MUC4: variants seen among roughly 807,000 people sequenced by gnomAD.
MUC4 encodes the protein mucin 4, cell surface associated, also known as mucin-4.
In MUC4, 202 loss-of-function variants were observed where a neutral mutation model predicts 257.9. The observed-to-expected ratio is 0.78, with a 90% CI of 0.70 to 0.88. The LOEUF is 0.88. Among genes scored for constraint, MUC4 ranks in the 40% least tolerant of loss-of-function variants. MUC4 has a pLI of 0.00. For missense variants in MUC4, 5,976 were observed against 6,513.7 expected, an observed-to-expected ratio of 0.92 and a Z score of 2.84; for synonymous variants, 2,351 against 2,757.1, an observed-to-expected ratio of 0.85 and a Z score of 4.62.
chr3:195,788,825 A>T lies in MUC4; in HGVS notation c.2755T>A (p.Ser919Thr), dbSNP rs749483038. The change falls in exon 2 of 25, where the codon TCT (serine) becomes ACT (threonine). Residue 919 changes from serine to threonine, a missense_variant. Transcript: ENST00000463781. ...QTQRTRTSRG[S>T]DTISLASQAT... ...TGGGACGCCAGGCTGATAGTGTCAGACCCTCTGCTGGTTCTTGTCCTCTGA... is the reference window on the plus strand; with the variant it reads ...TGGGACGCCAGGCTGATAGTGTCAGTCCCTCTGCTGGTTCTTGTCCTCTGA... The T allele has an allele frequency of 4.3e-6, 7 of 1,613,666 alleles. No homozygotes were observed. The East Asian group carries it at 1.6e-4, about 36-fold the overall frequency.
chr3:195,767,655 C>T (rs1326564395), intron 7 of MUC4, among the ~76,000 whole-genome samples: 2 of 92,500 alleles, frequency 2.2e-5, no homozygotes, highest in Non-Finnish European at 3.8e-5. Flanking sequence ...CCACCACCAC[C>T]ACCACCACCA....
In MUC4 at chr3:195,783,045, G is replaced by T. The variant is rs1467627533; in HGVS notation, c.8535C>A (p.His2845Gln). 1.2e-6 allele frequency: 1 copy of T among 854,968 alleles called. No homozygotes were observed. The highest frequency in any genetic ancestry group is 1.6e-6 in the Non-Finnish European group (1 of 608,668). 53.0% of individuals were successfully genotyped at this position (854,968 alleles called of 1,614,324 possible). The change falls in exon 2 of 25, where the codon CAC (histidine) becomes CAA (glutamine). Residue 2845 changes from histidine (H) to glutamine (Q), a missense_variant. By Grantham distance (24) the His-to-Gln change is conservative. Coordinates refer to ENST00000463781, the MANE Select transcript of MUC4 (RefSeq NM_018406.7). ...CGTCGGTGACAGGAAGAGGGGTGGT[G>T]TGACCTGAGGATGCTGAGGAAGGGA... The part of the protein sequence containing the change: ...VTIPSSASSG[H>Q]TTPLPVTDAS...
intron 17 of MUC4, among the ~76,000 whole-genome samples, chr3:195,758,049 G>C: frequency 6.6e-6 from 1 of 152,224 alleles, no homozygotes; most frequent in Admixed American, 6.5e-5. Flanking sequence ...CAGAGAGAAA[G>C]AACATCAGGC....
chr3:195,811,155 ATTTATT>A (rs1178947741), intron 1 of MUC4, among the ~76,000 whole-genome samples: 1 of 22,098 alleles, frequency 4.5e-5, no homozygotes, highest in African/African-American at 2.0e-4. Context: ...ATATTTATTT[ATTTATT>A]TATTTATTTA....
intron 1 of MUC4, among the ~76,000 whole-genome samples, chr3:195,798,381 C>T (rs1020831971): frequency 2.6e-4 from 39 of 152,124 alleles, no homozygotes; most frequent in Admixed American, 9.2e-4. Flanking sequence ...GACAATGCTT[C>T]CTTCCAGGAT....
At chr3:195,751,823 G>A (rs863582) in intron 21 of MUC4, 112,864 of 188,518 alleles carry the variant, frequency 0.6, 35,053 homozygotes, top group East Asian at 0.8. Context: ...CTTGACACGC[G>A]TTATCATTTA....
rs1172519849 is a variant in MUC4, at chr3:195,764,180, G to A, written c.13925-16C>T. On this transcript the variant is annotated splice_polypyrimidine_tract_variant and intron_variant, in intron 10 of 24. Coordinates refer to ENST00000463781, the MANE Select transcript of MUC4 (RefSeq NM_018406.7). ...AGTTCCTGGGCTGCGGAGAACAGCA[G>A]TGAGTCGGGGAGGTTGAGGACCTGG... is the stretch of plus-strand genomic sequence containing the variant. The A allele has an allele frequency of 1.9e-6, 3 of 1,555,896 alleles. No individual in the cohort carries two copies. The highest frequency in any genetic ancestry group is 2.6e-6 in the Non-Finnish European group (3 of 1,149,856).
chr3:195,789,485 G>A lies in MUC4; in HGVS notation c.2095C>T (p.Pro699Ser), dbSNP rs557226215. ...ISAATTFAPAPTGDGHTTQAP... is the reference protein window; with the variant it reads ...ISAATTFAPASTGDGHTTQAP... Reference sequence around the variant, plus strand: ...TGGGTTGTGTGACCATCCCCGGTGGGAGCTGGGGCAAAGGTTGTTGCTGCA... The same window carrying A: ...TGGGTTGTGTGACCATCCCCGGTGGAAGCTGGGGCAAAGGTTGTTGCTGCA... Residue 699 changes from proline to serine, a missense_variant, in exon 2 of 25, where the codon CCC (proline) becomes TCC (serine). This residue lies in a region of MUC4 where 1,583 missense variants were observed against 1,257.4 expected (regional missense o/e 1.26). Coordinates refer to ENST00000463781, the MANE Select transcript of MUC4 (RefSeq NM_018406.7). The A allele has an allele frequency of 1.5e-5, 25 of 1,613,884 alleles. No individual in the cohort carries two copies. The South Asian group carries it at 2.5e-4, about 16-fold the overall frequency.
rs1392182472 is a variant in MUC4, at chr3:195,810,560, GC to G, written c.82+1175del. ...GTACACGGAGGAGCCCAAGGCCAAT[GC>G]CGGGGCTACGAGCCCCAGGCAAGGC... is the stretch of plus-strand genomic sequence containing the variant. On this transcript the variant is annotated intron_variant, in intron 1 of 24. Transcript: ENST00000463781. The surrounding 1 kb of genome is among the most constrained non-coding windows in gnomAD (Gnocchi z 4.2). Among the ~76,000 whole-genome samples, 2 of 151,980 alleles carry G rather than the reference GC, an allele frequency of 1.3e-5. No individual in the cohort carries two copies. The highest frequency in any genetic ancestry group is 4.8e-5 in the African/African-American group (2 of 41,336).
chr3:195,778,210 C>G (rs1205962841), intron 3 of MUC4, 93 bp downstream of exon 3: 2 of 1,444,846 alleles, frequency 1.4e-6, no homozygotes, highest in Non-Finnish European at 1.8e-6. Flanking sequence ...CCCTCCCCAC[C>G]CGAGAGAGCG....
chr3:195,789,192 T>C lies in MUC4; in HGVS notation c.2388A>G (p.Arg796=), dbSNP rs1362727967. 1.1e-5 allele frequency: 18 copies of C among 1,613,812 alleles called. No homozygotes were observed. The highest frequency in any genetic ancestry group is 1.4e-5 in the Non-Finnish European group (17 of 1,179,842). The change falls in exon 2 of 25, where the codon CGA becomes CGG. Residue 796 remains arginine (R), a synonymous_variant. Coordinates refer to ENST00000463781, the MANE Select transcript of MUC4 (RefSeq NM_018406.7). ...QTSEPASSGS[R]TTSAGTATPS... The stretch of plus-strand genomic sequence containing the variant: ...GGGTAGCTGTGCCCGCTGAGGTGGT[T>C]CGTGACCCTGAGGAGGCCGGTTCGC...
Position 195,791,318 on chromosome 3 carries a change from C to A in MUC4, c.262G>T (p.Ala88Ser), listed in dbSNP as rs1560404349. The change falls in exon 2 of 25, where the codon GCT becomes TCT. Residue 88 changes from alanine (A) to serine (S), a missense_variant. Coordinates refer to ENST00000463781, the MANE Select transcript of MUC4 (RefSeq NM_018406.7). ...ATCTGCGTGAGGGTGTCGGTTTGAG[C>A]TTTGCTGGTGGTCTCCGTGCTCTTA... ...QTKSTETTSK[A>S]QTDTLTQMMT... 1 of 1,613,216 alleles carries A rather than the reference C, an allele frequency of 6.2e-7. No individual in the cohort carries two copies. Among genetic ancestry groups the A allele is most frequent in the East Asian group, 2.2e-5 (1 of 44,812 alleles).
Position 195,767,739 on chromosome 3 carries a change from T to TCACCACCACCACCACCAC in MUC4, c.13530-989_13530-988insGTGGTGGTGGTGGTGGTG, listed in dbSNP as rs1371859288. On this transcript the variant is annotated intron_variant, in intron 7 of 24. Coordinates refer to ENST00000463781, the MANE Select transcript of MUC4 (RefSeq NM_018406.7). ...GCCACCACCACCATCACCACCACCATCACCATCGCCACCACCACCATCACC... is the reference window on the plus strand; with the variant it reads ...GCCACCACCACCATCACCACCACCATCACCACCACCACCACCACCACCATCGCCACCACCACCATCACC... Among the ~76,000 whole-genome samples, 6 of 3,146 alleles carry TCACCACCACCACCACCAC rather than the reference T, an allele frequency of 1.9e-3. 1 individual carries two copies. Among genetic ancestry groups the TCACCACCACCACCACCAC allele is most frequent in the African/African-American group, 5.1e-3 (5 of 978 alleles). The allele number at this position is 3,146 out of a possible 152,430, so 2.1% of individuals were successfully genotyped here.
chr3:195,791,290 A>T lies in MUC4; in HGVS notation c.290T>A (p.Met97Lys). 6.2e-7 allele frequency: 1 copy of T among 1,613,558 alleles called. No individual in the cohort carries two copies. The highest frequency in any genetic ancestry group is 1.1e-5 in the South Asian group (1 of 91,042). ...KAQTDTLTQM[M>K]TSTLFSSPSV... is the part of the protein sequence containing the mutation. ...TGGGGAAGAAAAAAGAGTTGATGTC[A>T]TCATCTGCGTGAGGGTGTCGGTTTG... Residue 97 changes from methionine to lysine, a missense_variant, in exon 2 of 25, where the codon ATG becomes AAG. Transcript: ENST00000463781.
rs200527467 is a variant in MUC4 at position 195,784,547 on chromosome 3, C to A, written c.7033G>T (p.Ala2345Ser). The A allele has an allele frequency of 6.8e-6, 10 of 1,466,148 alleles. No homozygotes were observed. In the African/African-American group the frequency reaches 2.0e-4, roughly 29 times the overall value. 90.8% of individuals were successfully genotyped at this position (1,466,148 alleles called of 1,614,324 possible). A position where few individuals can be genotyped will look rare whatever the true frequency, so the allele number is the denominator to read the frequency against. ...TPLPVTSPSS[A>S]STGHATPLHV... ...AGAGGGGTGGCGTGACCTGTGGATG[C>A]TGAGGAAGGGCTAGTGACAGGAAGA... Residue 2345 changes from alanine to serine, a missense_variant, in exon 2 of 25, where the codon GCA becomes TCA. Physicochemically the swap from Ala to Ser is moderately conservative, Grantham distance 99 (BLOSUM62 1). This residue lies in a region of MUC4 where 35 missense variants were observed against 64.3 expected (regional missense o/e 0.54). Transcript: ENST00000463781.
At chr3:195,762,300 G>A (rs1167699045) in intron 13 of MUC4, 46 bp from the exon 14 acceptor site, 7 of 1,525,104 alleles carry the variant, frequency 4.6e-6, no homozygotes, top group South Asian at 3.7e-5. Flanking sequence ...TCGGCACCAC[G>A]GCCCGCACCA....
intron 4 of MUC4, among the ~76,000 whole-genome samples, chr3:195,772,955 C>CT (rs1263420732): frequency 6.9e-6 from 1 of 145,296 alleles, no homozygotes; most frequent in Non-Finnish European, 1.5e-5. Context: ...TAGATACCCT[C>CT]TCTCCATCGC....
In MUC4 at chr3:195,789,616, A is replaced by AC; in HGVS notation, c.1963dup (p.Val655GlyfsTer6). ...TGTCTTGGTGTCAGTCATGGGGGAGACGGACCTCGTGGTTTGTGATTCTTG... is the reference window on the plus strand; with the variant it reads ...TGTCTTGGTGTCAGTCATGGGGGAGACCGGACCTCGTGGTTTGTGATTCTTG... On this transcript the variant is annotated frameshift_variant, in exon 2 of 25. Coordinates refer to ENST00000463781, the MANE Select transcript of MUC4 (RefSeq NM_018406.7). LOFTEE classifies it high-confidence loss of function. 2.5e-6 allele frequency: 4 copies of AC among 1,613,450 alleles called. No homozygotes were observed. Among genetic ancestry groups the AC allele is most frequent in the Non-Finnish European group, 3.4e-6 (4 of 1,179,762 alleles).
intron 21 of MUC4, 36 bp downstream of exon 21, chr3:195,752,336 GC>G (rs752076595): frequency 1.3e-6 from 2 of 1,563,790 alleles, no homozygotes; most frequent in South Asian, 1.1e-5. Flanking sequence ...CCCGCCAAGC[GC>G]CCCCTCCCAC....
Sources: allele counts gnomAD v4.1 joint callset (sites outside exome capture counted in the v4.1 genomes callset), GRCh38; gene constraint gnomAD v4.1.1; regional missense constraint gnomAD v4.1.1; non-coding constraint Gnocchi (gnomAD v3.1); transcripts MANE v1.5; gene names NCBI Gene and HGNC (gene_info 2026-07-23, HGNC 2026-07-21).